MAPKAPK2: variants seen among roughly 807,000 people sequenced by gnomAD.
MAPKAPK2 encodes MAPK activated protein kinase 2.
In MAPKAPK2, 9 loss-of-function variants were observed where a neutral mutation model predicts 48.8. That is an observed-to-expected ratio of 0.18 (90% CI 0.11 to 0.32). MAPKAPK2 has a LOEUF of 0.32. Ranked by LOEUF, MAPKAPK2 falls within the 10% of genes least tolerant of loss-of-function variation. The pLI, the probability that MAPKAPK2 is intolerant of heterozygous loss-of-function variation, is 1.00. For missense variants in MAPKAPK2, 331 were observed against 498.3 expected, an observed-to-expected ratio of 0.66 and a Z score of 3.20; for synonymous variants, 202 against 190.6, an observed-to-expected ratio of 1.06 and a Z score of -0.49.
At chr1:206,719,637 T>C (rs1349650987) in intron 1 of MAPKAPK2, among the ~76,000 whole-genome samples, 1 of 152,200 alleles carries the variant, frequency 6.6e-6, no homozygotes. Flanking sequence ...GCAGAGGCTC[T>C]GAAAGGAGGA....
intron 1 of MAPKAPK2, among the ~76,000 whole-genome samples, chr1:206,716,260 C>T (rs943778437): frequency 1.3e-5 from 2 of 152,132 alleles, no homozygotes; most frequent in Non-Finnish European, 2.9e-5. Context: ...GGCATGACCT[C>T]GACTTCTCTC....
intron 5 of MAPKAPK2, 56 bp downstream of exon 5, chr1:206,730,154 C>T: frequency 3.7e-6 from 6 of 1,605,220 alleles, no homozygotes; most frequent in Admixed American, 3.4e-5. Context: ...TTCTCAGCCC[C>T]TCCTCTTGGC....
intron 1 of MAPKAPK2, among the ~76,000 whole-genome samples, chr1:206,716,975 G>A (rs1268402086): frequency 2.6e-5 from 4 of 152,142 alleles, no homozygotes; most frequent in African/African-American, 9.7e-5. Flanking sequence ...CATTTAATTG[G>A]TAAGTGTTTA....
rs1430450958 is a variant in MAPKAPK2, at chr1:206,729,852, C to A, written c.565-120C>A. On this transcript the variant is annotated intron_variant, in intron 4 of 9. Coordinates refer to ENST00000367103, the MANE Select transcript of MAPKAPK2 (RefSeq NM_032960.4). ...TGCCACTCCTCGTGGTGGGCAGTGC[C>A]CAGGATAGGCAAATGGTTGCTGGAT... 2.3e-6 allele frequency: 3 copies of A among 1,310,922 alleles called. No individual in the cohort carries two copies. The Admixed American group carries it at 5.7e-5, about 25-fold the overall frequency. The allele number at this position is 1,310,922 out of a possible 1,614,324, so 81.2% of individuals were successfully genotyped here.
At chr1:206,702,767 C>T (rs782346234) in intron 1 of MAPKAPK2, among the ~76,000 whole-genome samples, 3 of 152,256 alleles carry the variant, frequency 2.0e-5, no homozygotes, top group Admixed American at 6.5e-5. Flanking sequence ...CACACTTTGC[C>T]TTCCAGGAGA....
In MAPKAPK2 at chr1:206,732,998, A is replaced by C; in HGVS notation, c.*280A>C. ...TAATTTGACTTAGAGTTTTTACGAA[A>C]CCTCTTTTGTTGTCCTTGCCCCACT... On this transcript the variant is annotated 3_prime_UTR_variant, in exon 10 of 10. Coordinates refer to ENST00000367103, the MANE Select transcript of MAPKAPK2 (RefSeq NM_032960.4). The surrounding 1 kb of genome is among the most constrained non-coding windows in gnomAD (Gnocchi z 4.4). 2.5e-6 allele frequency: 1 copy of C among 394,814 alleles called. No individual in the cohort carries two copies. Among genetic ancestry groups the C allele is most frequent in the Non-Finnish European group, 4.6e-6 (1 of 217,706 alleles). The allele number at this position is 394,814 out of a possible 1,614,324, so 24.5% of individuals were successfully genotyped here. A position where few individuals can be genotyped will look rare whatever the true frequency, so the allele number is the denominator to read the frequency against.
At chr1:206,695,101 G>A (rs1279325674) in intron 1 of MAPKAPK2, among the ~76,000 whole-genome samples, 1 of 152,142 alleles carries the variant, frequency 6.6e-6, no homozygotes, top group Non-Finnish European at 1.5e-5. Flanking sequence ...GGGTGGCAGT[G>A]CCCCCTCTCC....
intron 1 of MAPKAPK2, among the ~76,000 whole-genome samples, chr1:206,686,772 A>G (rs1485742497): frequency 6.6e-6 from 1 of 152,226 alleles, no homozygotes; most frequent in Non-Finnish European, 1.5e-5. Context: ...CGGGGCAAGC[A>G]TGTTCCATTT....
rs782405106 is a variant in MAPKAPK2 at position 206,730,088 on chromosome 1, G to A, written c.681G>A (p.Pro227=). 73 of 1,614,068 alleles carry A rather than the reference G, an allele frequency of 4.5e-5. No individual in the cohort carries two copies. The South Asian group carries it at 7.0e-4, about 16-fold the overall frequency. The change falls in exon 5 of 10, where the codon CCG becomes CCA. Residue 227 remains proline, a synonymous_variant. Coordinates refer to ENST00000367103, the MANE Select transcript of MAPKAPK2 (RefSeq NM_032960.4). The part of the protein sequence containing the change: ...HNSLTTPCYT[P]YYVAPEVLGP... ...CTTTGACCACTCCTTGTTATACACCGTACTATGTGGGTAAGTCCACAGGGG... is the reference window on the plus strand; with the variant it reads ...CTTTGACCACTCCTTGTTATACACCATACTATGTGGGTAAGTCCACAGGGG...
chr1:206,706,968 C>T (rs1162028162), intron 1 of MAPKAPK2, among the ~76,000 whole-genome samples: 5 of 152,166 alleles, frequency 3.3e-5, no homozygotes, highest in South Asian at 4.1e-4. Context: ...TCATTCCATC[C>T]GTCAGCCCCG....
chr1:206,720,727 A>G (rs1255207103), intron 1 of MAPKAPK2, among the ~76,000 whole-genome samples: 2 of 152,204 alleles, frequency 1.3e-5, no homozygotes, highest in Non-Finnish European at 2.9e-5. Flanking sequence ...TATGCTGTAC[A>G]TAAGGGTTTG....
chr1:206,712,962 TCACACACACACACACACA>T (rs58379967), intron 1 of MAPKAPK2, among the ~76,000 whole-genome samples: 1 of 112,230 alleles, frequency 8.9e-6, no homozygotes, highest in Non-Finnish European at 1.8e-5. Context: ...TGAGACTCCA[TCACACACACACACACACA>T]CACACACACA....
At chr1:206,726,961 C>T (rs1179568841) in intron 1 of MAPKAPK2, among the ~76,000 whole-genome samples, 1 of 152,164 alleles carries the variant, frequency 6.6e-6, no homozygotes, top group Admixed American at 6.5e-5. Flanking sequence ...CTGTATCACC[C>T]CAGCTCCACT....
chr1:206,731,322 G>A lies in MAPKAPK2; in HGVS notation c.892+60G>A. 1.4e-6 allele frequency: 2 copies of A among 1,422,874 alleles called. No homozygotes were observed. Among genetic ancestry groups the A allele is most frequent in the Admixed American group, 2.0e-5 (1 of 50,692 alleles). 88.1% of individuals were successfully genotyped at this position (1,422,874 alleles called of 1,614,324 possible). On this transcript the variant is annotated intron_variant, in intron 7 of 9. Coordinates refer to ENST00000367103, the MANE Select transcript of MAPKAPK2 (RefSeq NM_032960.4). The surrounding 1 kb of genome is among the most constrained non-coding windows in gnomAD (Gnocchi z 5.9). The stretch of plus-strand genomic sequence containing the variant: ...CCCGTGTGTGTGTGTGTGTGTGTAT[G>A]TGTGTACACGCAGACACATGTATGG...
Position 206,728,781 on chromosome 1 carries a change from C to G in MAPKAPK2, c.351C>G (p.Ile117Met). The change falls in exon 2 of 10, where the codon ATC (isoleucine) becomes ATG (methionine). Residue 117 changes from isoleucine to methionine, a missense_variant. Physicochemically the swap from Ile to Met is conservative, Grantham distance 10 (BLOSUM62 1). Transcript: ENST00000367103. ...LHWRASQCPH[I>M]VRIVDVYENL... ...GGCGGGCCTCCCAGTGCCCGCACAT[C>G]GTACGGATCGTGGATGTGTACGAGA... The G allele has an allele frequency of 6.2e-7, 1 of 1,614,116 alleles. No homozygotes were observed. Among genetic ancestry groups the G allele is most frequent in the Non-Finnish European group, 8.5e-7 (1 of 1,180,030 alleles).
chr1:206,686,732 T>C (rs1187534724), intron 1 of MAPKAPK2, among the ~76,000 whole-genome samples: 1 of 152,248 alleles, frequency 6.6e-6, no homozygotes, highest in East Asian at 1.9e-4. Flanking sequence ...TCAGATGTTT[T>C]AAAAGAAACA....
At chr1:206,699,429 G>A (rs967181119) in intron 1 of MAPKAPK2, among the ~76,000 whole-genome samples, 6 of 152,314 alleles carry the variant, frequency 3.9e-5, no homozygotes, top group South Asian at 2.1e-4. Flanking sequence ...ATGAAAATAC[G>A]TCCAGTGGGA....
intron 2 of MAPKAPK2, 68 bp downstream of exon 2, chr1:206,728,917 G>A (rs1253812534): frequency 6.2e-7 from 1 of 1,612,356 alleles, no homozygotes; most frequent in Non-Finnish European, 8.5e-7. Flanking sequence ...CTTACCCTCT[G>A]AGGACAGCCC....
chr1:206,712,293 A>C (rs571043036), intron 1 of MAPKAPK2, among the ~76,000 whole-genome samples: 2 of 152,202 alleles, frequency 1.3e-5, no homozygotes, highest in Non-Finnish European at 2.9e-5. Context: ...GAGTTAGATA[A>C]TGTTGTTATC....
Sources: allele counts gnomAD v4.1 joint callset (sites outside exome capture counted in the v4.1 genomes callset), GRCh38; gene constraint gnomAD v4.1.1; non-coding constraint Gnocchi (gnomAD v3.1); transcripts MANE v1.5; gene names NCBI Gene and HGNC (gene_info 2026-07-23, HGNC 2026-07-21).